The following MIER1 variants were observed in gnomAD, a reference collection of about 807,000 sequenced individuals.
MIER1 encodes the protein MIER1 transcriptional regulator.
In MIER1, 40 loss-of-function variants were observed where a neutral mutation model predicts 75.7. That is an observed-to-expected ratio of 0.53 (90% CI 0.41 to 0.69). MIER1 has a LOEUF of 0.69. Ranked by LOEUF, MIER1 falls within the 30% of genes least tolerant of loss-of-function variation. The pLI is 0.00. For missense variants in MIER1, 574 were observed against 680.2 expected (o/e 0.84, Z 1.74); for synonymous variants, 213 against 223.4 (o/e 0.95, Z 0.42).
At chr1:66,976,553 TTAAAAAGGAG>T (rs747474676) in intron 11 of MIER1, 32 bp from the exon 12 acceptor site, 5 of 1,526,782 alleles carry the variant, frequency 3.3e-6, no homozygotes, top group Non-Finnish European at 4.4e-6. Context: ...AGTAACTTTG[TTAAAAAGGAG>T]ATTCTTAAAA....
chr1:66,940,303 A>G (rs1202215240), intron 3 of MIER1: 1 of 282,772 alleles, frequency 3.5e-6, no homozygotes. Context: ...GTGAGTTGCC[A>G]TATGTATTTC....
intron 4 of MIER1, among the ~76,000 whole-genome samples, chr1:66,948,852 T>A (rs1658268157): frequency 6.6e-6 from 1 of 152,208 alleles, no homozygotes; most frequent in Non-Finnish European, 1.5e-5. Flanking sequence ...TGAGCTATGA[T>A]AGCACTGCTG....
At position 66,940,068 on chromosome 1, in the gene MIER1, A is replaced by AT; in HGVS notation, c.193+22dup. The stretch of plus-strand genomic sequence containing the variant: ...TCAAGTCCAGGTAAGTATTTTCCAT[A>AT]TTTTTTATAATCTCGATTTGAGTAA... On this transcript the variant is annotated intron_variant, in intron 3 of 13. Transcript: ENST00000401041. 3 of 1,589,962 alleles carry AT rather than the reference A, an allele frequency of 1.9e-6. No individual in the cohort carries two copies. The highest frequency in any genetic ancestry group is 1.7e-6 in the Non-Finnish European group (2 of 1,159,418).
chr1:66,977,619 T>C (rs907184476), intron 12 of MIER1, among the ~76,000 whole-genome samples: 1 of 152,188 alleles, frequency 6.6e-6, no homozygotes, highest in Non-Finnish European at 1.5e-5. Context: ...GAATTTATTG[T>C]CTACACCTCA....
At chr1:66,932,085 G>A (rs956605814) in intron 2 of MIER1, among the ~76,000 whole-genome samples, 1 of 151,734 alleles carries the variant, frequency 6.6e-6, no homozygotes, top group Non-Finnish European at 1.5e-5. Flanking sequence ...TATTGCCGAG[G>A]GAACTAAAAA....
At chr1:66,965,269 A>G (rs979560692) in intron 8 of MIER1, among the ~76,000 whole-genome samples, 7 of 152,170 alleles carry the variant, frequency 4.6e-5, no homozygotes, top group African/African-American at 9.6e-5. Flanking sequence ...GTAGTTAGCA[A>G]TGTTCACCAT....
rs1660692242 is a variant in MIER1, at chr1:66,958,889, AACT to A, written c.541_543del (p.Thr181del). On this transcript the variant is annotated inframe_deletion, in exon 6 of 14. Transcript: ENST00000401041. ...AGGATTCATCAGGTCAGGAGGATGA[AACT>A]CAGTCTTCCAATGATGATCCATCAC... 1 of 1,611,440 alleles carries A rather than the reference AACT, an allele frequency of 6.2e-7. No individual in the cohort carries two copies. Among genetic ancestry groups the A allele is most frequent in the African/African-American group, 1.3e-5 (1 of 74,778 alleles).
intron 8 of MIER1, among the ~76,000 whole-genome samples, chr1:66,969,110 A>C (rs569784786): frequency 6.6e-6 from 1 of 152,334 alleles, no homozygotes; most frequent in South Asian, 2.1e-4. Flanking sequence ...CAGATTAGAA[A>C]AGGAATGATG....
intron 4 of MIER1, among the ~76,000 whole-genome samples, chr1:66,951,134 A>G (rs781025176): frequency 1.1e-4 from 16 of 152,044 alleles, no homozygotes; most frequent in Non-Finnish European, 1.8e-4. Flanking sequence ...ACTTTACCCT[A>G]TTGTCTTGAA....
At chr1:66,943,229 G>A (rs1384695972) in intron 3 of MIER1, among the ~76,000 whole-genome samples, 2 of 152,082 alleles carry the variant, frequency 1.3e-5, no homozygotes, top group African/African-American at 4.8e-5. Flanking sequence ...AAAGGATTGG[G>A]ACAGAAAACT....
intron 3 of MIER1, among the ~76,000 whole-genome samples, chr1:66,944,001 TTC>T (rs888539883): frequency 7.2e-5 from 11 of 152,104 alleles, no homozygotes; most frequent in Non-Finnish European, 1.6e-4. Context: ...TTTTTTTTTT[TTC>T]CTCTTTAAAT....
intron 4 of MIER1, chr1:66,946,994 T>A (rs1030019602): frequency 1.5e-5 from 15 of 985,464 alleles, no homozygotes; most frequent in Non-Finnish European, 1.8e-5. Flanking sequence ...ACCTTCTTTT[T>A]TTCTCTCCTG....
At chr1:66,930,968 A>AT (rs1300452410) in intron 2 of MIER1, among the ~76,000 whole-genome samples, 1 of 151,980 alleles carries the variant, frequency 6.6e-6, no homozygotes, top group Non-Finnish European at 1.5e-5. Flanking sequence ...GAGTCTGCCC[A>AT]TTTATCCAGA....
At chr1:66,934,443 G>T (rs567007144) in intron 2 of MIER1, among the ~76,000 whole-genome samples, 10 of 123,036 alleles carry the variant, frequency 8.1e-5, no homozygotes, top group African/African-American at 2.5e-4. Flanking sequence ...TCTCTCTGTT[G>T]CCCAGGCTGG....
At chr1:66,963,941 G>A (rs1661786108) in intron 8 of MIER1, among the ~76,000 whole-genome samples, 1 of 151,546 alleles carries the variant, frequency 6.6e-6, no homozygotes. Flanking sequence ...TTACTTTGAT[G>A]CTTGTGTTTT....
In MIER1 at chr1:66,988,209, CAGA is replaced by C. The variant is rs929460814; in HGVS notation, c.*3314_*3316del. ...CCAGTGTGGAAAACCATGTAACATA[CAGA>C]AGAACAGGAGTTTCCAAATTTTAAC... On this transcript the variant is annotated 3_prime_UTR_variant, in exon 14 of 14. Coordinates refer to ENST00000401041, the MANE Select transcript of MIER1 (RefSeq NM_001077700.3). 1.3e-5 allele frequency: 2 copies of C among 152,296 alleles called. No individual in the cohort carries two copies. Among genetic ancestry groups the C allele is most frequent in the Non-Finnish European group, 2.9e-5 (2 of 68,010 alleles). The allele number at this position is 152,296 out of a possible 1,614,324, so 9.4% of individuals were successfully genotyped here.
rs555158218 is a variant in MIER1, at chr1:66,972,501, A to C, written c.1007-396A>C. 2.0e-5 allele frequency among the ~76,000 whole-genome samples: 3 copies of C among 152,022 alleles called. No individual in the cohort carries two copies. The South Asian group carries it at 6.2e-4, about 31-fold the overall frequency. ...CTTTTAGGGAAAGCATTCAGAATGA[A>C]GTAATATTTTTGTTGGGATGCAAAA... On this transcript the variant is annotated intron_variant, in intron 10 of 13. Coordinates refer to ENST00000401041, the MANE Select transcript of MIER1 (RefSeq NM_001077700.3).
chr1:66,961,910 A>G (rs755258423), intron 7 of MIER1, among the ~76,000 whole-genome samples: 2 of 152,230 alleles, frequency 1.3e-5, no homozygotes, highest in African/African-American at 2.4e-5. Context: ...GGGTATAGAA[A>G]TAACTTTATT....
chr1:66,940,374 G>A (rs1655938582), intron 3 of MIER1, among the ~76,000 whole-genome samples: 1 of 148,032 alleles, frequency 6.8e-6, no homozygotes, highest in African/African-American at 2.5e-5. Flanking sequence ...TTTTAAAAAG[G>A]AATCATTAGC....
Sources: allele counts gnomAD v4.1 joint callset (sites outside exome capture counted in the v4.1 genomes callset), GRCh38; gene constraint gnomAD v4.1.1; transcripts MANE v1.5; gene names NCBI Gene and HGNC (gene_info 2026-07-23, HGNC 2026-07-21).